Variants in GOSR2 observed in about 807,000 individuals in gnomAD.
The protein encoded by GOSR2 is golgi SNAP receptor complex member 2.
GOSR2 carries 20 observed loss-of-function variants against 27.9 expected under a neutral mutation model. The observed-to-expected ratio is 0.72, with a 90% CI of 0.50 to 1.04. The LOEUF (loss-of-function observed/expected upper bound fraction) is 1.04, where lower values mean the gene tolerates loss of function less well. Ranked by LOEUF, GOSR2 falls within the 50% of genes least tolerant of loss-of-function variation. The probability of loss-of-function intolerance (pLI) is 0.00; values close to 1 mark genes in which losing one functional copy is unlikely to be tolerated. For missense variants in GOSR2, 261 were observed against 270.5 expected (o/e 0.97, Z 0.25); for synonymous variants, 91 against 98.8 (o/e 0.92, Z 0.47).
intron 6 of GOSR2, among the ~76,000 whole-genome samples, chr17:46,958,099 C>A (rs2090837442): frequency 6.6e-6 from 1 of 152,188 alleles, no homozygotes. Context: ...AGTGGGTCTC[C>A]TCTCCCCATT....
At chr17:46,970,475 G>A (rs2091379754), downstream of GOSR2, among the ~76,000 whole-genome samples, 1 of 143,050 alleles carries the variant, frequency 7.0e-6, no homozygotes, top group African/African-American at 2.6e-5. Context: ...GGGAGGCACA[G>A]GTTGCAGCAA....
intron 6 of GOSR2, among the ~76,000 whole-genome samples, chr17:46,957,147 A>G (rs1023581254): frequency 2.0e-5 from 3 of 152,120 alleles, no homozygotes; most frequent in Non-Finnish European, 4.4e-5. Context: ...CGTCTCTACA[A>G]AAAATACAAA....
chr17:46,936,980 AGG>A, intron 5 of GOSR2: 4 of 225,846 alleles, frequency 1.8e-5, no homozygotes, highest in Non-Finnish European at 2.9e-5. Flanking sequence ...AAAAAAAAAA[AGG>A]ATATGGGGCA....
At chr17:46,968,532 C>A (rs1309466189), downstream of GOSR2, among the ~76,000 whole-genome samples, 2 of 152,260 alleles carry the variant, frequency 1.3e-5, no homozygotes, top group South Asian at 4.1e-4. Context: ...GAGCACCATG[C>A]CAAGCTCATC....
downstream of GOSR2, among the ~76,000 whole-genome samples, chr17:46,967,746 C>T (rs2091350178): frequency 6.6e-6 from 1 of 152,156 alleles, no homozygotes; most frequent in South Asian, 2.1e-4. Context: ...AGACTGACTA[C>T]AGGCTACTGG....
intron 6 of GOSR2, among the ~76,000 whole-genome samples, chr17:46,961,707 C>T (rs546172094): frequency 1.2e-4 from 18 of 151,918 alleles, no homozygotes; most frequent in African/African-American, 3.1e-4. Context: ...TAAAATATAA[C>T]GACATAGAAA....
At chr17:46,959,170 G>A (rs1461512008) in intron 6 of GOSR2, among the ~76,000 whole-genome samples, 4 of 152,202 alleles carry the variant, frequency 2.6e-5, no homozygotes, top group Admixed American at 2.0e-4. Context: ...GAGGTTGGGC[G>A]TAGTGGCAGA....
intron 6 of GOSR2, chr17:46,964,009 C>T (rs1453826131): frequency 1.3e-5 from 2 of 152,192 alleles, no homozygotes; most frequent in East Asian, 3.9e-4. Flanking sequence ...TAGAGGGTCT[C>T]ACTTTGTTGC....
chr17:46,923,176 C>T lies in GOSR2; in HGVS notation c.-17C>T, dbSNP rs1281856311. 11 of 1,519,584 alleles carry T rather than the reference C, an allele frequency of 7.2e-6. No individual in the cohort carries two copies. The highest frequency in any genetic ancestry group is 4.8e-5 in the South Asian group (4 of 83,404). 94.1% of individuals were successfully genotyped at this position (1,519,584 alleles called of 1,614,324 possible). ...GAGGAAGCCAGAGCCGGAGCCGTGG[C>T]CTGCGGGGCCGGCGACATGGATCCC... On this transcript the variant is annotated 5_prime_UTR_variant, in exon 1 of 6. Transcript: ENST00000640051.
chr17:46,927,586 T>C (rs1365373290), intron 1 of GOSR2, among the ~76,000 whole-genome samples: 1 of 152,224 alleles, frequency 6.6e-6, no homozygotes, highest in Non-Finnish European at 1.5e-5. Context: ...GAGGTGGCCT[T>C]TTTCTGTACG....
intron 4 of GOSR2, 72 bp downstream of exon 4, chr17:46,932,271 C>A: frequency 6.4e-7 from 1 of 1,574,332 alleles, no homozygotes; most frequent in Non-Finnish European, 8.7e-7. Context: ...GATCTCTGAG[C>A]GCCATCTGTT....
At chr17:46,924,795 G>A (rs1414172722) in intron 1 of GOSR2, among the ~76,000 whole-genome samples, 1 of 152,162 alleles carries the variant, frequency 6.6e-6, no homozygotes, top group Non-Finnish European at 1.5e-5. Flanking sequence ...AGAATGAAAC[G>A]AAATTATGTT....
At chr17:46,952,559 G>A (rs898587035) in intron 6 of GOSR2, 4 of 152,224 alleles carry the variant, frequency 2.6e-5, no homozygotes, top group African/African-American at 9.6e-5. Context: ...AAGTTGCTGG[G>A]AGAGACTTCT....
chr17:46,967,928 AAC>A (rs1191221760), downstream of GOSR2, among the ~76,000 whole-genome samples: 2 of 152,202 alleles, frequency 1.3e-5, no homozygotes, highest in Non-Finnish European at 2.9e-5. Context: ...AGCCACTGTG[AAC>A]ACAGAATCCG....
downstream of GOSR2, among the ~76,000 whole-genome samples, chr17:46,944,388 TG>T (rs1054309445): frequency 2.0e-5 from 3 of 152,124 alleles, no homozygotes; most frequent in Admixed American, 1.3e-4. Context: ...TTTCTAAGAA[TG>T]GGGGTAACAC....
chr17:46,938,833 G>T lies in GOSR2; in HGVS notation c.*73G>T. The T allele has an allele frequency of 6.2e-7, 1 of 1,607,656 alleles. No individual in the cohort carries two copies. Among genetic ancestry groups the T allele is most frequent in the Non-Finnish European group, 8.5e-7 (1 of 1,178,704 alleles). ...TGTGTGTGTGTGAAAGAGAGAGGGG[G>T]GCCCAGAGGCCGCCTTTTGAAATGT... On this transcript the variant is annotated 3_prime_UTR_variant, in exon 6 of 6. Coordinates refer to ENST00000640051, the MANE Select transcript of GOSR2 (RefSeq NM_004287.5).
At chr17:46,928,118 G>A (rs1598949022) in intron 1 of GOSR2, among the ~76,000 whole-genome samples, 1 of 152,042 alleles carries the variant, frequency 6.6e-6, no homozygotes, top group Non-Finnish European at 1.5e-5. Context: ...CTTACTTTCC[G>A]GAAGCAACGG....
At chr17:46,950,945 C>G (rs1431496786) in intron 6 of GOSR2, among the ~76,000 whole-genome samples, 1 of 152,180 alleles carries the variant, frequency 6.6e-6, no homozygotes, top group Non-Finnish European at 1.5e-5. Flanking sequence ...GTCACCGACT[C>G]CCAATCCAGT....
In GOSR2 at chr17:46,941,014, G is replaced by A. The variant is rs2089200247; in HGVS notation, c.*2254G>A. On this transcript the variant is annotated 3_prime_UTR_variant, in exon 6 of 6. Coordinates refer to ENST00000640051, the MANE Select transcript of GOSR2 (RefSeq NM_004287.5). ...GGAAGGAGCACCCTCTAGTGGAGGC[G>A]GGGGTGAATTCTTAGGTCGAGCTGA... The A allele has an allele frequency of 2.2e-5, 25 of 1,116,222 alleles. No homozygotes were observed. Among genetic ancestry groups the A allele is most frequent in the South Asian group, 1.7e-4 (7 of 40,440 alleles). The allele number at this position is 1,116,222 out of a possible 1,614,324, so 69.1% of individuals were successfully genotyped here.
Sources: allele counts gnomAD v4.1 joint callset (sites outside exome capture counted in the v4.1 genomes callset), GRCh38; gene constraint gnomAD v4.1.1; transcripts MANE v1.5; gene names NCBI Gene and HGNC (gene_info 2026-07-23, HGNC 2026-07-21).